Variants in SDK1 observed in about 807,000 individuals in gnomAD.
SDK1 encodes protein sidekick-1.
SDK1 carries 157 observed loss-of-function variants against 245.5 expected under a neutral mutation model. The observed-to-expected ratio is 0.64, with a 90% CI of 0.56 to 0.73. The LOEUF (loss-of-function observed/expected upper bound fraction) is 0.73, where lower values mean the gene tolerates loss of function less well. Among genes scored for constraint, SDK1 ranks in the 30% least tolerant of loss-of-function variants. SDK1 has a pLI of 0.00. For synonymous variants in SDK1, 1,647 were observed against 1,278.5 expected (o/e 1.29, Z -6.15); for missense variants, 3,583 against 3,002.3 (o/e 1.19, Z -4.52).
chr7:4,103,033 C>T (rs868614069), intron 22 of SDK1, among the ~76,000 whole-genome samples: 1 of 138,330 alleles, frequency 7.2e-6, no homozygotes, highest in Admixed American at 7.2e-5. Flanking sequence ...CAGAGTCTCA[C>T]TCTGTCACCC....
intron 1 of SDK1, among the ~76,000 whole-genome samples, chr7:3,407,352 G>T (rs1779082000): frequency 6.6e-6 from 1 of 152,206 alleles, no homozygotes; most frequent in Admixed American, 6.6e-5. Context: ...CTTGCATGAT[G>T]CTAGCCTTCA....
intron 5 of SDK1, among the ~76,000 whole-genome samples, chr7:3,848,610 G>T (rs541406406): frequency 1.4e-4 from 22 of 151,956 alleles, no homozygotes; most frequent in African/African-American, 5.3e-4. Context: ...AGCCCCAGGG[G>T]AACAGGGAAC....
chr7:4,219,419 A>G (rs1785012314), intron 38 of SDK1, among the ~76,000 whole-genome samples: 1 of 152,252 alleles, frequency 6.6e-6, no homozygotes, highest in South Asian at 2.1e-4. Flanking sequence ...GAGGCCTCAC[A>G]ATCATAGTGG....
intron 44 of SDK1, among the ~76,000 whole-genome samples, chr7:4,260,008 T>C (rs1346473964): frequency 6.6e-6 from 1 of 152,236 alleles, no homozygotes; most frequent in Admixed American, 6.5e-5. Flanking sequence ...TAATCTGGTA[T>C]GTAATCGGTG....
intron 5 of SDK1, among the ~76,000 whole-genome samples, chr7:3,825,482 C>G (rs1257356871): frequency 6.6e-6 from 1 of 152,156 alleles, no homozygotes; most frequent in Non-Finnish European, 1.5e-5. Flanking sequence ...AGGGATGAAG[C>G]TTGGATTAAA....
chr7:3,555,324 A>G (rs921019418), intron 1 of SDK1, among the ~76,000 whole-genome samples: 1 of 152,168 alleles, frequency 6.6e-6, no homozygotes, highest in Non-Finnish European at 1.5e-5. Flanking sequence ...AAGAATATAC[A>G]TTGGGGAAAG....
intron 4 of SDK1, among the ~76,000 whole-genome samples, chr7:3,704,301 A>C (rs1409098163): frequency 6.7e-5 from 10 of 149,876 alleles, no homozygotes; most frequent in African/African-American, 2.4e-4. Context: ...GTTTGATGCC[A>C]CATTTTCTTT....
chr7:4,251,675 A>G (rs918737579), intron 44 of SDK1, among the ~76,000 whole-genome samples: 4 of 152,258 alleles, frequency 2.6e-5, no homozygotes, highest in African/African-American at 9.6e-5. Context: ...TAGACACTGC[A>G]GTCTTATAAT....
chr7:3,462,427 A>G (rs1347044213), intron 1 of SDK1, among the ~76,000 whole-genome samples: 1 of 152,126 alleles, frequency 6.6e-6, no homozygotes, highest in Non-Finnish European at 1.5e-5. Flanking sequence ...GTTCTGTTCC[A>G]TTCTCAACCT....
chr7:3,747,398 C>A (rs1452703119), intron 4 of SDK1, among the ~76,000 whole-genome samples: 2 of 151,282 alleles, frequency 1.3e-5, no homozygotes, highest in Non-Finnish European at 2.9e-5. Flanking sequence ...TGAAGGCATT[C>A]AAAGTGTATG....
At chr7:3,361,255 C>T (rs755764437) in intron 1 of SDK1, among the ~76,000 whole-genome samples, 3 of 152,160 alleles carry the variant, frequency 2.0e-5, no homozygotes, top group Admixed American at 6.5e-5. Flanking sequence ...AGAGTGAGAC[C>T]GTGTCCCTTA....
chr7:3,447,698 T>C (rs914515249), intron 1 of SDK1, among the ~76,000 whole-genome samples: 2 of 126,220 alleles, frequency 1.6e-5, no homozygotes, highest in African/African-American at 6.1e-5. Context: ...AGCTTATATA[T>C]CTTTTTTTTT....
chr7:3,434,092 A>G (rs775954815), intron 1 of SDK1, among the ~76,000 whole-genome samples: 3 of 152,136 alleles, frequency 2.0e-5, no homozygotes, highest in Admixed American at 6.5e-5. Flanking sequence ...GGCAAAATCT[A>G]TCCATATGGG....
At chr7:3,922,334 C>T (rs1035331747) in intron 5 of SDK1, among the ~76,000 whole-genome samples, 58 of 152,212 alleles carry the variant, frequency 3.8e-4, no homozygotes, top group Non-Finnish European at 7.3e-5. Flanking sequence ...ACCCTGGGCA[C>T]CTCCTCCCAG....
chr7:3,646,180 C>T (rs144976304), intron 4 of SDK1, among the ~76,000 whole-genome samples: 12 of 152,226 alleles, frequency 7.9e-5, no homozygotes, highest in African/African-American at 2.9e-4. Flanking sequence ...TTTTAACCTC[C>T]TTGTGTGAGT....
intron 35 of SDK1, among the ~76,000 whole-genome samples, chr7:4,186,731 AG>A (rs1440077520): frequency 6.6e-6 from 1 of 152,122 alleles, no homozygotes; most frequent in African/African-American, 2.4e-5. Flanking sequence ...CACCTCACTA[AG>A]CCCTCAAATG....
chr7:3,619,029 C>T (rs1781854443), intron 1 of SDK1, 51 bp from the exon 2 acceptor site: 1 of 1,368,156 alleles, frequency 7.3e-7, no homozygotes. Flanking sequence ...AGATGAGTGC[C>T]ACTTTCATGC....
chr7:3,965,620 G>C (rs1031874728), intron 9 of SDK1, among the ~76,000 whole-genome samples: 1 of 152,146 alleles, frequency 6.6e-6, no homozygotes, highest in African/African-American at 2.4e-5. Context: ...TGAGGCTCTG[G>C]GGACACGGCT....
intron 1 of SDK1, among the ~76,000 whole-genome samples, chr7:3,308,341 A>G (rs1779469465): frequency 6.6e-6 from 1 of 152,170 alleles, no homozygotes; most frequent in South Asian, 2.1e-4. Flanking sequence ...CAGTAATGAA[A>G]GAGATTAGTA....
Sources: allele counts gnomAD v4.1 joint callset (sites outside exome capture counted in the v4.1 genomes callset), GRCh38; gene constraint gnomAD v4.1.1; transcripts MANE v1.5; gene names NCBI Gene and HGNC (gene_info 2026-07-23, HGNC 2026-07-21).